PKNOX2: variants seen among roughly 807,000 people sequenced by gnomAD.
PKNOX2 encodes PBX/knotted 1 homeobox 2.
In PKNOX2, 14 loss-of-function variants were observed where a neutral mutation model predicts 53.1. The observed-to-expected ratio is 0.26, with a 90% CI of 0.17 to 0.41. The LOEUF (loss-of-function observed/expected upper bound fraction) is 0.41. Among genes scored for constraint, PKNOX2 ranks in the 10% least tolerant of loss-of-function variants. PKNOX2 has a pLI of 1.00. For missense variants in PKNOX2, 496 were observed against 602.8 expected, an observed-to-expected ratio of 0.82 and a Z score of 1.85; for synonymous variants, 257 against 242.8, an observed-to-expected ratio of 1.06 and a Z score of -0.54.
chr11:125,322,700 A>G (rs1162250263), intron 2 of PKNOX2, among the ~76,000 whole-genome samples: 1 of 152,206 alleles, frequency 6.6e-6, no homozygotes, highest in African/African-American at 2.4e-5. Context: ...GTCATCTGCC[A>G]TCACCCCTGT....
chr11:125,344,349 G>C (rs1286565621), intron 3 of PKNOX2, among the ~76,000 whole-genome samples: 1 of 152,240 alleles, frequency 6.6e-6, no homozygotes, highest in East Asian at 1.9e-4. Flanking sequence ...GGCCATTAGG[G>C]GGAGGCCACG....
rs1350252579 is a variant in PKNOX2 at position 125,165,176 on chromosome 11, C to A, written c.-201+400C>A. ...CGCCGCCGCCGCCGCCGCCTCGCCG[C>A]GCTTGGGCCCGTGGCCGGCCGCGCA... On this transcript the variant is annotated intron_variant, in intron 1 of 12. Coordinates refer to ENST00000298282, the MANE Select transcript of PKNOX2 (RefSeq NM_001382323.2). This position sits in a 1 kb window ranked among gnomAD's most constrained non-coding sequence, Gnocchi z 4.5. 1.3e-5 allele frequency among the ~76,000 whole-genome samples: 2 copies of A among 150,126 alleles called. No individual in the cohort carries two copies. Among genetic ancestry groups the A allele is most frequent in the Non-Finnish European group, 3.0e-5 (2 of 67,444 alleles).
Position 125,200,177 on chromosome 11 carries a change from G to A in PKNOX2, c.-200-34868G>A, listed in dbSNP as rs566368022. 1.2e-3 allele frequency among the ~76,000 whole-genome samples: 189 copies of A among 152,310 alleles called. 1 individual carries two copies. The highest frequency in any genetic ancestry group is 2.0e-3 in the Non-Finnish European group (134 of 68,026). Reference sequence around the variant, plus strand: ...TGGTAACCGGAGCAGGGACCAGAGGGCCCCACTGCCAAAGCATTTTGTTCT... The same window carrying A: ...TGGTAACCGGAGCAGGGACCAGAGGACCCCACTGCCAAAGCATTTTGTTCT... On this transcript the variant is annotated intron_variant, in intron 1 of 12. Coordinates refer to ENST00000298282, the MANE Select transcript of PKNOX2 (RefSeq NM_001382323.2).
In PKNOX2 at chr11:125,230,173, C is replaced by T. The variant is rs76097709; in HGVS notation, c.-200-4872C>T. Among the ~76,000 whole-genome samples, 987 of 152,326 alleles carry T rather than the reference C, an allele frequency of 6.5e-3. 25 individuals are homozygous for T. In the East Asian group the frequency reaches 0.078, roughly 12 times the overall value. ...GGGCTGAGGACTAGTGTGGAATTAG[C>T]ATCCAGGCCCAGTGGGCTTTGAGGA... is the stretch of plus-strand genomic sequence containing the variant. On this transcript the variant is annotated intron_variant, in intron 1 of 12. Transcript: ENST00000298282.
intron 2 of PKNOX2, among the ~76,000 whole-genome samples, chr11:125,298,392 A>C (rs78052024): frequency 0.031 from 4,667 of 152,288 alleles, 236 homozygotes; most frequent in African/African-American, 0.1. Flanking sequence ...ACAGGTTTGC[A>C]GGAGGCTTAC....
chr11:125,403,491 G>T (rs2135492524), intron 7 of PKNOX2, among the ~76,000 whole-genome samples: 2 of 152,266 alleles, frequency 1.3e-5, no homozygotes, highest in African/African-American at 4.8e-5. Flanking sequence ...GCTTTCCACA[G>T]ATTATCTAAT....
At chr11:125,393,002 C>T (rs570772401) in intron 6 of PKNOX2, among the ~76,000 whole-genome samples, 3 of 148,112 alleles carry the variant, frequency 2.0e-5, no homozygotes, top group Non-Finnish European at 4.5e-5. Flanking sequence ...ACTAAAAATA[C>T]ATAAAAAAAA....
intron 8 of PKNOX2, 25 bp from the exon 9 acceptor site, chr11:125,410,754 A>T: frequency 6.3e-7 from 1 of 1,585,638 alleles, no homozygotes; most frequent in Non-Finnish European, 8.7e-7. Flanking sequence ...ATGGCAGGGG[A>T]CCCCAAAACT....
intron 2 of PKNOX2, among the ~76,000 whole-genome samples, chr11:125,244,021 G>A (rs772102778): frequency 6.6e-6 from 1 of 152,212 alleles, no homozygotes; most frequent in Non-Finnish European, 1.5e-5. Flanking sequence ...CCAAGTGGAT[G>A]AATGGATGGA....
At chr11:125,196,393 C>T (rs981942285) in intron 1 of PKNOX2, among the ~76,000 whole-genome samples, 2 of 152,142 alleles carry the variant, frequency 1.3e-5, no homozygotes, top group African/African-American at 4.8e-5. Context: ...GGCCTGAGCC[C>T]GGGACACCGT....
At chr11:125,319,616 A>T (rs1949402051) in intron 2 of PKNOX2, among the ~76,000 whole-genome samples, 1 of 152,236 alleles carries the variant, frequency 6.6e-6, no homozygotes, top group Non-Finnish European at 1.5e-5. Flanking sequence ...CTAATGGAGA[A>T]AACAGGCATT....
intron 4 of PKNOX2, among the ~76,000 whole-genome samples, chr11:125,355,199 G>A (rs754897956): frequency 1.1e-4 from 16 of 151,368 alleles, no homozygotes; most frequent in East Asian, 1.9e-4. Context: ...CCCGGGAGGC[G>A]GAGTTTGCAG....
intron 1 of PKNOX2, among the ~76,000 whole-genome samples, chr11:125,184,840 T>A (rs553257079): frequency 2.0e-5 from 3 of 152,276 alleles, no homozygotes; most frequent in Admixed American, 2.0e-4. Context: ...CCATCCCGCA[T>A]CTGTAGAATA....
At chr11:125,241,139 C>A (rs1943111964) in intron 2 of PKNOX2, among the ~76,000 whole-genome samples, 1 of 152,186 alleles carries the variant, frequency 6.6e-6, no homozygotes, top group African/African-American at 2.4e-5. Flanking sequence ...CGGTTCAACC[C>A]TGGTCTACTT....
At chr11:125,424,567 G>T (rs986805705) in intron 10 of PKNOX2, among the ~76,000 whole-genome samples, 8 of 152,184 alleles carry the variant, frequency 5.3e-5, no homozygotes, top group African/African-American at 1.9e-4. Context: ...GGAAAAGCGT[G>T]TAGTGGACTC....
intron 5 of PKNOX2, among the ~76,000 whole-genome samples, chr11:125,374,693 C>A (rs1037586093): frequency 6.6e-6 from 1 of 152,168 alleles, no homozygotes; most frequent in Non-Finnish European, 1.5e-5. Context: ...GGTAGAGCTC[C>A]ATCATCCAGG....
intron 2 of PKNOX2, among the ~76,000 whole-genome samples, chr11:125,315,174 ACCTCCTTCCTTTTCT>A (rs879474877): frequency 2.4e-4 from 37 of 151,336 alleles, no homozygotes; most frequent in Middle Eastern, 3.4e-3. Context: ...CCCTCTCCCC[ACCTCCTTCCTTTTCT>A]CCTCCCTAGT....
At chr11:125,175,247 G>GGAAGGAGGGA (rs1312028336) in intron 1 of PKNOX2, among the ~76,000 whole-genome samples, 1 of 90,240 alleles carries the variant, frequency 1.1e-5, no homozygotes, top group Non-Finnish European at 2.7e-5. Context: ...AAGGAAGGAA[G>GGAAGGAGGGA]GAAAGAAGGA....
At chr11:125,296,418 C>A (rs578198004) in intron 2 of PKNOX2, among the ~76,000 whole-genome samples, 1 of 152,250 alleles carries the variant, frequency 6.6e-6, no homozygotes, top group African/African-American at 2.4e-5. Flanking sequence ...AACACATGAT[C>A]CCGCCTGGGA....
Sources: gnomAD v4.1 joint callset for allele counts (sites outside exome capture counted in the v4.1 genomes callset) on GRCh38, gnomAD v4.1.1 for gene constraint, Gnocchi (gnomAD v3.1) non-coding constraint, MANE v1.5 for transcripts, NCBI Gene and HGNC (gene_info 2026-07-23, HGNC 2026-07-21) for gene names.